Variants in TRIO observed in about 807,000 individuals in gnomAD.
TRIO encodes the protein trio Rho guanine nucleotide exchange factor, also known as triple functional domain protein.
Under a neutral mutation model 351.9 loss-of-function variants are expected in TRIO, and 58 were observed. The ratio of observed to expected loss-of-function variants is 0.16; its 90% CI spans 0.13 to 0.21. The LOEUF is 0.21. TRIO is among the 10% of genes least tolerant of loss of function. The pLI, the probability that TRIO is intolerant of heterozygous loss-of-function variation, is 1.00. For synonymous variants in TRIO, 1,758 were observed against 1,595.7 expected (o/e 1.10, Z -2.42); for missense variants, 3,201 against 4,027.8 (o/e 0.79, Z 5.56).
chr5:14,400,608 A>G (rs1357516237), intron 30 of TRIO, among the ~76,000 whole-genome samples: 1 of 152,220 alleles, frequency 6.6e-6, no homozygotes, highest in African/African-American at 2.4e-5. Flanking sequence ...GCCCTTTTGC[A>G]ACCAGGAAAG....
chr5:14,370,153 C>T (rs2152344976), intron 18 of TRIO, among the ~76,000 whole-genome samples: 1 of 150,846 alleles, frequency 6.6e-6, no homozygotes, highest in Admixed American at 6.6e-5. Context: ...GCGAAGGGGT[C>T]TCACTCTGTC....
intron 1 of TRIO, among the ~76,000 whole-genome samples, chr5:14,152,463 C>T (rs902358934): frequency 3.9e-5 from 6 of 152,152 alleles, no homozygotes; most frequent in Non-Finnish European, 8.8e-5. Context: ...CTCTGCCTCC[C>T]GGGTTCAAGC....
chr5:14,191,534 TAAAAA>T (rs35519870), intron 1 of TRIO, among the ~76,000 whole-genome samples: 6 of 135,228 alleles, frequency 4.4e-5, no homozygotes, highest in East Asian at 2.1e-4. Flanking sequence ...CCTGTTTCTT[TAAAAA>T]AAAAAAAAAA....
chr5:14,211,592 T>G (rs1444372742), intron 1 of TRIO, among the ~76,000 whole-genome samples: 1 of 147,898 alleles, frequency 6.8e-6, no homozygotes, highest in Non-Finnish European at 1.5e-5. Context: ...ACTCAGTTGT[T>G]TTTTTTTTTT....
intron 1 of TRIO, among the ~76,000 whole-genome samples, chr5:14,210,349 G>C (rs1455818508): frequency 1.3e-5 from 2 of 152,220 alleles, no homozygotes; most frequent in South Asian, 2.1e-4. Flanking sequence ...CCCCAGCCAA[G>C]AGTAGGGGTG....
At chr5:14,287,396 A>T (rs1312559828) in intron 4 of TRIO, among the ~76,000 whole-genome samples, 1 of 152,210 alleles carries the variant, frequency 6.6e-6, no homozygotes, top group Non-Finnish European at 1.5e-5. Flanking sequence ...GGCTTTGCAC[A>T]GTTACAGATT....
Position 14,167,939 on chromosome 5 carries a change from T to C in TRIO, c.157+24057T>C, listed in dbSNP as rs117811096. Among the ~76,000 whole-genome samples the C allele has an allele frequency of 1.8e-4, 27 of 152,346 alleles. No individual in the cohort carries two copies. The East Asian group carries it at 5.0e-3, about 28-fold the overall frequency. On this transcript the variant is annotated intron_variant, in intron 1 of 56. Transcript: ENST00000344204. ...TTTAAATTGTGCTTTTTAATCTATA[T>C]ATCAGAATCATCTGATAATTGTGTG...
intron 34 of TRIO, among the ~76,000 whole-genome samples, chr5:14,451,233 C>T (rs1369133387): frequency 2.0e-5 from 3 of 152,072 alleles, no homozygotes; most frequent in Non-Finnish European, 4.4e-5. Flanking sequence ...AAGATGCAGT[C>T]CCTGGAAGTT....
intron 1 of TRIO, among the ~76,000 whole-genome samples, chr5:14,190,128 A>G (rs965213319): frequency 2.0e-5 from 3 of 152,156 alleles, no homozygotes; most frequent in Admixed American, 1.3e-4. Context: ...GGAAAGTTAC[A>G]GGTTCCATCT....
chr5:14,370,722 A>C (rs256416), intron 18 of TRIO, among the ~76,000 whole-genome samples: 114,501 of 152,090 alleles, frequency 0.75, 43,487 homozygotes, highest in Non-Finnish European at 0.8. Context: ...CACGGTCATT[A>C]GTTATAACTA....
chr5:14,493,128 A>C (rs1185216985), intron 49 of TRIO, among the ~76,000 whole-genome samples: 1 of 152,138 alleles, frequency 6.6e-6, no homozygotes, highest in Non-Finnish European at 1.5e-5. Flanking sequence ...TTTGTTTAAG[A>C]AACCTAAGGG....
chr5:14,411,433 C>G (rs371248433), intron 33 of TRIO, among the ~76,000 whole-genome samples: 47 of 152,258 alleles, frequency 3.1e-4, no homozygotes, highest in East Asian at 1.2e-3. Context: ...AAAGCCGGCC[C>G]GAGCCAGCAG....
chr5:14,163,849 A>C (rs1200862715), intron 1 of TRIO, among the ~76,000 whole-genome samples: 2 of 152,250 alleles, frequency 1.3e-5, no homozygotes, highest in Non-Finnish European at 2.9e-5. Flanking sequence ...ACATGCTTGA[A>C]GTATTCAGGA....
At chr5:14,199,819 C>T (rs1323573092) in intron 1 of TRIO, among the ~76,000 whole-genome samples, 1 of 152,136 alleles carries the variant, frequency 6.6e-6, no homozygotes, top group African/African-American at 2.4e-5. Context: ...CATTGCCAGA[C>T]CATGGTTTCT....
chr5:14,283,056 G>A (rs573464584), intron 3 of TRIO, among the ~76,000 whole-genome samples: 3 of 152,242 alleles, frequency 2.0e-5, no homozygotes, highest in African/African-American at 4.8e-5. Flanking sequence ...CAGCAGGAGC[G>A]CTGTTTGGTT....
At chr5:14,336,117 C>T (rs746698677) in intron 10 of TRIO, among the ~76,000 whole-genome samples, 3 of 152,196 alleles carry the variant, frequency 2.0e-5, no homozygotes, top group African/African-American at 7.2e-5. Flanking sequence ...CGAGAATTAT[C>T]GTAAAGCATT....
intron 49 of TRIO, among the ~76,000 whole-genome samples, chr5:14,495,761 G>A (rs1221797801): frequency 6.7e-6 from 1 of 149,310 alleles, no homozygotes; most frequent in African/African-American, 2.5e-5. Context: ...GAGGTCAAGA[G>A]ATCGAGACCA....
intron 32 of TRIO, 120 bp downstream of exon 32, chr5:14,406,110 C>T: frequency 7.2e-7 from 1 of 1,383,000 alleles, no homozygotes; most frequent in East Asian, 2.4e-5. Context: ...ATTTTTTAAA[C>T]TGCCATTTGT....
chr5:14,446,243 G>A (rs1752432132), intron 34 of TRIO, among the ~76,000 whole-genome samples: 1 of 152,050 alleles, frequency 6.6e-6, no homozygotes, highest in Admixed American at 6.5e-5. Context: ...AGGAAGGTGC[G>A]GGACATTCTT....
Sources: gnomAD v4.1 joint callset for allele counts (sites outside exome capture counted in the v4.1 genomes callset) on GRCh38, gnomAD v4.1.1 for gene constraint, MANE v1.5 for transcripts, NCBI Gene and HGNC (gene_info 2026-07-23, HGNC 2026-07-21) for gene names.